NTRK3: variants seen among roughly 807,000 people sequenced by gnomAD.
NTRK3 encodes NT-3 growth factor receptor.
NTRK3 carries 24 observed loss-of-function variants against 91.7 expected under a neutral mutation model. The observed-to-expected ratio is 0.26, with a 90% CI of 0.19 to 0.37. The LOEUF (loss-of-function observed/expected upper bound fraction) is 0.37. Among genes scored for constraint, NTRK3 ranks in the 10% least tolerant of loss-of-function variants. The pLI, the probability that NTRK3 is intolerant of heterozygous loss-of-function variation, is 1.00. For synonymous variants in NTRK3, 483 were observed against 404.0 expected, an observed-to-expected ratio of 1.20 and a Z score of -2.34; for missense variants, 880 against 1,068.9, an observed-to-expected ratio of 0.82 and a Z score of 2.46.
At chr15:88,153,106 T>C (rs2043544225) in intron 5 of NTRK3, among the ~76,000 whole-genome samples, 1 of 152,362 alleles carries the variant, frequency 6.6e-6, no homozygotes, top group South Asian at 2.1e-4. Flanking sequence ...TCCCAGGGTC[T>C]GTGACTTGCT....
intron 14 of NTRK3, among the ~76,000 whole-genome samples, chr15:87,941,873 C>A (rs141068041): frequency 4.7e-4 from 72 of 152,344 alleles, no homozygotes; most frequent in African/African-American, 1.7e-3. Flanking sequence ...ACTCACTGAC[C>A]TTTACATTAA....
At chr15:88,093,052 T>A (rs2150776068) in intron 13 of NTRK3, among the ~76,000 whole-genome samples, 1 of 151,562 alleles carries the variant, frequency 6.6e-6, no homozygotes, top group African/African-American at 2.4e-5. Flanking sequence ...TTTTTGGCTT[T>A]GGGGTTTTTT....
At chr15:87,965,170 T>C (rs915796933) in intron 14 of NTRK3, among the ~76,000 whole-genome samples, 5 of 152,360 alleles carry the variant, frequency 3.3e-5, no homozygotes, top group Middle Eastern at 3.4e-3. Context: ...AAAGCTGAAA[T>C]GTTAACAGTG....
intron 13 of NTRK3, among the ~76,000 whole-genome samples, chr15:88,052,371 A>G (rs1237834017): frequency 6.6e-6 from 1 of 152,350 alleles, no homozygotes; most frequent in Non-Finnish European, 1.5e-5. Context: ...GACTTGCCTG[A>G]GCACACATGG....
chr15:88,221,999 C>T (rs576710220), intron 3 of NTRK3, among the ~76,000 whole-genome samples: 13 of 152,332 alleles, frequency 8.5e-5, no homozygotes, highest in Admixed American at 1.3e-4. Context: ...CTCTTGGCCA[C>T]GTACCTGTCA....
rs181894477 is a variant in NTRK3, at chr15:88,215,503, G to A, written c.249-31204C>T. Among the ~76,000 whole-genome samples the A allele has an allele frequency of 8.4e-4, 128 of 152,350 alleles. 1 individual carries two copies. Among genetic ancestry groups the A allele is most frequent in the African/African-American group, 3.0e-3 (123 of 41,584 alleles). On this transcript the variant is annotated intron_variant, in intron 3 of 18. Coordinates refer to ENST00000394480, the Ensembl canonical transcript of NTRK3. ...TAGACACTGTGTCCTGCGATGCCAGGAGGGAGCCACTGAGAGAGAAATCAA... is the reference window on the plus strand; with the variant it reads ...TAGACACTGTGTCCTGCGATGCCAGAAGGGAGCCACTGAGAGAGAAATCAA...
intron 3 of NTRK3, among the ~76,000 whole-genome samples, chr15:88,190,872 G>A (rs2047329474): frequency 6.6e-6 from 1 of 152,216 alleles, no homozygotes; most frequent in African/African-American, 2.4e-5. Context: ...ATAAATAGCT[G>A]ATTCCATTTG....
chr15:88,096,824 T>C (rs59575531), intron 13 of NTRK3, among the ~76,000 whole-genome samples: 25,810 of 152,140 alleles, frequency 0.17, 3,057 homozygotes, highest in African/African-American at 0.33. Context: ...TCACGCTCTT[T>C]CTTGACTTTA....
chr15:88,174,841 T>G (rs2045850550), intron 5 of NTRK3, among the ~76,000 whole-genome samples: 1 of 152,240 alleles, frequency 6.6e-6, no homozygotes, highest in African/African-American at 2.4e-5. Flanking sequence ...TCCACTGCCT[T>G]GTGCTGGAAG....
rs1365686181 is a variant in NTRK3 at position 88,233,301 on chromosome 15, T to G, written c.248+22605A>C. Reference sequence around the variant, plus strand: ...GCAGAGATATTATAATGCAGATCACTTGTGAAACACCTCTGGCTTCACACA... The same window carrying G: ...GCAGAGATATTATAATGCAGATCACGTGTGAAACACCTCTGGCTTCACACA... On this transcript the variant is annotated intron_variant, in intron 3 of 18. Coordinates refer to ENST00000394480, the Ensembl canonical transcript of NTRK3. The surrounding 1 kb of genome is among the most constrained non-coding windows in gnomAD (Gnocchi z 4.2). Among the ~76,000 whole-genome samples, 1 of 152,160 alleles carries G rather than the reference T, an allele frequency of 6.6e-6. No homozygotes were observed. The highest frequency in any genetic ancestry group is 1.5e-5 in the Non-Finnish European group (1 of 68,018).
chr15:87,912,747 A>G (rs1324842256), intron 17 of NTRK3, among the ~76,000 whole-genome samples: 2 of 150,378 alleles, frequency 1.3e-5, no homozygotes, highest in Non-Finnish European at 3.0e-5. Flanking sequence ...ATGCTTACCC[A>G]AATTTCATCC....
At chr15:88,125,664 G>C (rs935885363) in intron 13 of NTRK3, among the ~76,000 whole-genome samples, 1 of 152,124 alleles carries the variant, frequency 6.6e-6, no homozygotes. Flanking sequence ...CCTTACCCGA[G>C]CCTTGGCAAA....
rs1021401501 is a variant in NTRK3, at chr15:88,099,455, A to G, written c.1396+26816T>C. 5.9e-5 allele frequency among the ~76,000 whole-genome samples: 9 copies of G among 152,232 alleles called. No individual in the cohort carries two copies. In the East Asian group the frequency reaches 1.7e-3, roughly 29 times the overall value. On this transcript the variant is annotated intron_variant, in intron 13 of 18. Transcript: ENST00000394480. ...GCAAAGACGTGTATTATGAACAGGA[A>G]CATGGATTCAAAATTTAGATCCTTC...
chr15:87,971,736 T>C (rs1036885393), intron 14 of NTRK3, among the ~76,000 whole-genome samples: 3 of 152,184 alleles, frequency 2.0e-5, no homozygotes, highest in Non-Finnish European at 4.4e-5. Context: ...GAGGTAAATA[T>C]TTCCCTAGGC....
chr15:88,028,490 T>C (rs2078234688), intron 14 of NTRK3, among the ~76,000 whole-genome samples: 1 of 151,920 alleles, frequency 6.6e-6, no homozygotes, highest in Admixed American at 6.6e-5. Flanking sequence ...AAGAAACAGA[T>C]GGACCTTCAG....
chr15:88,120,397 C>G (rs1287276739), intron 13 of NTRK3, among the ~76,000 whole-genome samples: 2 of 152,200 alleles, frequency 1.3e-5, no homozygotes, highest in Non-Finnish European at 2.9e-5. Flanking sequence ...TGGAACAGTC[C>G]TGCAAGTGCT....
chr15:87,864,785 A>G (rs2064619046), exon 19 of NTRK3: 1 of 229,600 alleles, frequency 4.4e-6, no homozygotes, highest in East Asian at 6.2e-5. Flanking sequence ...AACACGTCTC[A>G]AAAGCGGCTC....
intron 5 of NTRK3, among the ~76,000 whole-genome samples, chr15:88,159,021 C>G (rs28592070): frequency 2.0e-5 from 3 of 152,304 alleles, no homozygotes; most frequent in African/African-American, 7.2e-5. Flanking sequence ...GCCAAGCCCC[C>G]GGGCTGAGAG....
chr15:87,870,925 C>A (rs772001380), exon 19 of NTRK3: 1 of 230,220 alleles, frequency 4.3e-6, no homozygotes, highest in Non-Finnish European at 8.6e-6. Context: ...CAATATTTGC[C>A]TGGGTGATTA....
Sources: allele counts gnomAD v4.1 joint callset (sites outside exome capture counted in the v4.1 genomes callset), GRCh38; gene constraint gnomAD v4.1.1; non-coding constraint Gnocchi (gnomAD v3.1); transcripts MANE v1.5; gene names NCBI Gene and HGNC (gene_info 2026-07-23, HGNC 2026-07-21).